Variants in LRCH1 observed in about 807,000 individuals in gnomAD.
LRCH1 encodes leucine-rich repeat and calponin homology domain-containing protein 1.
Under a neutral mutation model 94.9 loss-of-function variants are expected in LRCH1, and 23 were observed. The ratio of observed to expected loss-of-function variants is 0.24; its 90% CI spans 0.17 to 0.34. The LOEUF (loss-of-function observed/expected upper bound fraction) is 0.34, where lower values mean the gene tolerates loss of function less well. Ranked by LOEUF, LRCH1 falls within the 10% of genes least tolerant of loss-of-function variation. LRCH1 has a pLI of 1.00. For synonymous variants in LRCH1, 364 were observed against 354.9 expected (o/e 1.03, Z -0.29); for missense variants, 790 against 945.9 (o/e 0.84, Z 2.16).
chr13:46,622,200 TTTC>T (rs1289010399), intron 1 of LRCH1, among the ~76,000 whole-genome samples: 848 of 60,752 alleles, frequency 0.014, 3 homozygotes, highest in South Asian at 0.05. Flanking sequence ...TTTTTTTTTT[TTTC>T]CCCCCAAGGC....
In LRCH1 at chr13:46,657,893, T is replaced by C. The variant is rs60241590; in HGVS notation, c.452+7548T>C. On this transcript the variant is annotated intron_variant, in intron 2 of 19. Coordinates refer to ENST00000389797, the MANE Select transcript of LRCH1 (RefSeq NM_001164211.2). ...CCATCACACCATCAGATCTGAGCCC[T>C]TCAACAACCCTTAACTTTGGATAGG... Among the ~76,000 whole-genome samples the C allele has an allele frequency of 5.2e-3, 797 of 151,822 alleles. 6 individuals are homozygous for C. The highest frequency in any genetic ancestry group is 0.016 in the African/African-American group (679 of 41,360).
intron 1 of LRCH1, 46 bp from the exon 2 acceptor site, chr13:46,650,155 T>A: frequency 7.1e-7 from 1 of 1,410,074 alleles, no homozygotes; most frequent in Non-Finnish European, 9.9e-7. Context: ...AGTGTATTGA[T>A]TTTGTTCAAA....
At chr13:46,678,378 A>G (rs1267450093) in intron 3 of LRCH1, among the ~76,000 whole-genome samples, 2 of 152,208 alleles carry the variant, frequency 1.3e-5, no homozygotes, top group Non-Finnish European at 2.9e-5. Flanking sequence ...GCAAGTTTCA[A>G]TGCCTTGTGG....
At chr13:46,663,015 A>T (rs1294146988) in intron 2 of LRCH1, among the ~76,000 whole-genome samples, 1 of 152,170 alleles carries the variant, frequency 6.6e-6, no homozygotes, top group Non-Finnish European at 1.5e-5. Flanking sequence ...CTTGTTTCAG[A>T]TTCAATTCAA....
chr13:46,560,154 T>TATATATATATATA (rs1555267823), intron 1 of LRCH1, among the ~76,000 whole-genome samples: 3 of 149,730 alleles, frequency 2.0e-5, no homozygotes, highest in Non-Finnish European at 3.0e-5. Flanking sequence ...TATATAGACT[T>TATATATATATATA]TTTATATTTC....
chr13:46,638,698 C>T (rs2051122120), intron 1 of LRCH1, among the ~76,000 whole-genome samples: 2 of 152,198 alleles, frequency 1.3e-5, no homozygotes, highest in Non-Finnish European at 2.9e-5. Context: ...TTTATCTTTG[C>T]TAACTGAAGA....
chr13:46,576,158 T>C (rs2050302126), intron 1 of LRCH1, among the ~76,000 whole-genome samples: 1 of 152,198 alleles, frequency 6.6e-6, no homozygotes, highest in Non-Finnish European at 1.5e-5. Flanking sequence ...ATTAGACATT[T>C]GCCGTGAGCC....
chr13:46,643,478 C>T (rs894098524), intron 1 of LRCH1, among the ~76,000 whole-genome samples: 2 of 152,094 alleles, frequency 1.3e-5, no homozygotes, highest in African/African-American at 4.8e-5. Flanking sequence ...TGTTTTATTT[C>T]TTGGTTATCA....
chr13:46,650,398 T>G (rs1012683168), intron 2 of LRCH1, 53 bp downstream of exon 2: 16 of 1,458,386 alleles, frequency 1.1e-5, no homozygotes, highest in African/African-American at 4.3e-5. Context: ...ATAAAAAACT[T>G]ATGCTTTCAT....
exon 19 of LRCH1, chr13:46,752,696 C>T (rs1874191567): frequency 6.6e-6 from 1 of 151,958 alleles, no homozygotes; most frequent in Non-Finnish European, 1.5e-5. Flanking sequence ...ATGCGGGGTC[C>T]TGAAATATTT....
chr13:46,673,726 C>T (rs189576174), intron 3 of LRCH1, among the ~76,000 whole-genome samples: 15 of 150,520 alleles, frequency 1.0e-4, no homozygotes, highest in Admixed American at 9.3e-4. Context: ...TCACATTAGA[C>T]TCAGAGTATT....
chr13:46,637,439 A>AAAG (rs2051105290), intron 1 of LRCH1, among the ~76,000 whole-genome samples: 1 of 151,904 alleles, frequency 6.6e-6, no homozygotes, highest in Non-Finnish European at 1.5e-5. Flanking sequence ...GTGATTGCCT[A>AAAG]CTCCATGACC....
At chr13:46,675,573 G>A (rs2051660673) in intron 3 of LRCH1, among the ~76,000 whole-genome samples, 2 of 152,156 alleles carry the variant, frequency 1.3e-5, no homozygotes, top group South Asian at 4.1e-4. Context: ...GAAATGTTTG[G>A]TTGTGTGGAG....
intron 1 of LRCH1, among the ~76,000 whole-genome samples, chr13:46,634,466 C>T (rs1337058147): frequency 6.6e-6 from 1 of 152,192 alleles, no homozygotes; most frequent in Non-Finnish European, 1.5e-5. Context: ...AGCCGTAATG[C>T]CAGTCACAGT....
intron 1 of LRCH1, among the ~76,000 whole-genome samples, chr13:46,634,449 G>C (rs1322917957): frequency 6.6e-6 from 1 of 152,166 alleles, no homozygotes; most frequent in African/African-American, 2.4e-5. Flanking sequence ...TCAATCCCAT[G>C]TGCCTCAGCC....
intron 16 of LRCH1, among the ~76,000 whole-genome samples, chr13:46,718,494 G>A (rs758938130): frequency 3.3e-5 from 5 of 152,190 alleles, no homozygotes; most frequent in Non-Finnish European, 7.3e-5. Context: ...TTTATTTGGT[G>A]TAGCATTGAG....
At chr13:46,718,636 G>A (rs1003099852) in intron 16 of LRCH1, among the ~76,000 whole-genome samples, 2 of 152,206 alleles carry the variant, frequency 1.3e-5, no homozygotes, top group Admixed American at 6.5e-5. Flanking sequence ...TGAGGACACC[G>A]AATGTGTCCA....
At chr13:46,733,816 T>A in intron 18 of LRCH1, 105 bp from the exon 19 acceptor site, 1 of 618,702 alleles carries the variant, frequency 1.6e-6, no homozygotes, top group Non-Finnish European at 2.8e-6. Context: ...TTTGCTCCAA[T>A]AAACATGTAT....
At chr13:46,654,441 C>T (rs1052049725) in intron 2 of LRCH1, among the ~76,000 whole-genome samples, 1 of 152,130 alleles carries the variant, frequency 6.6e-6, no homozygotes, top group Non-Finnish European at 1.5e-5. Context: ...TGACTTTTGA[C>T]CTTTGGGGAG....
Sources: allele counts gnomAD v4.1 joint callset (sites outside exome capture counted in the v4.1 genomes callset), GRCh38; gene constraint gnomAD v4.1.1; transcripts MANE v1.5; gene names NCBI Gene and HGNC (gene_info 2026-07-23, HGNC 2026-07-21).